The following PRKG1 variants were observed in gnomAD, a reference collection of about 807,000 sequenced individuals.
PRKG1 encodes cGMP-dependent protein kinase 1.
Under a neutral mutation model 88.1 loss-of-function variants are expected in PRKG1, and 35 were observed. That is an observed-to-expected ratio of 0.40 (90% CI 0.30 to 0.53). PRKG1 has a LOEUF of 0.53. Ranked by LOEUF, PRKG1 falls within the 20% of genes least tolerant of loss-of-function variation. The probability of loss-of-function intolerance (pLI) is 0.59; values close to 1 mark genes in which losing one functional copy is unlikely to be tolerated. For missense variants in PRKG1, 540 were observed against 839.8 expected (o/e 0.64, Z 4.41); for synonymous variants, 303 against 292.5 (o/e 1.04, Z -0.37).
At chr10:51,586,556 C>CTAA (rs1325976242) in intron 3 of PRKG1, among the ~76,000 whole-genome samples, 2 of 152,088 alleles carry the variant, frequency 1.3e-5, no homozygotes, top group African/African-American at 4.8e-5. Flanking sequence ...TTTATTAAAA[C>CTAA]TTTATTAAAA....
chr10:51,694,488 C>A (rs1382764311), intron 3 of PRKG1, among the ~76,000 whole-genome samples: 1 of 152,152 alleles, frequency 6.6e-6, no homozygotes, highest in African/African-American at 2.4e-5. Flanking sequence ...ATCAAATACT[C>A]CCAAATCCTA....
chr10:51,629,433 T>C (rs1291424830), intron 3 of PRKG1, among the ~76,000 whole-genome samples: 1 of 151,912 alleles, frequency 6.6e-6, no homozygotes, highest in Non-Finnish European at 1.5e-5. Flanking sequence ...GAGCTTGTTT[T>C]CCTGCAACTA....
intron 1 of PRKG1, among the ~76,000 whole-genome samples, chr10:51,131,346 A>G (rs1467367497): frequency 6.6e-6 from 1 of 152,230 alleles, no homozygotes; most frequent in Non-Finnish European, 1.5e-5. Flanking sequence ...TCAAAAATCT[A>G]ATTATCTCAT....
intron 6 of PRKG1, among the ~76,000 whole-genome samples, chr10:52,055,000 G>A (rs570354123): frequency 2.0e-5 from 3 of 152,142 alleles, no homozygotes; most frequent in Non-Finnish European, 4.4e-5. Context: ...GCTGGGCATG[G>A]TGGTGCATGC....
chr10:51,628,224 C>T (rs997494476), intron 3 of PRKG1, among the ~76,000 whole-genome samples: 5 of 149,578 alleles, frequency 3.3e-5, no homozygotes, highest in Non-Finnish European at 7.4e-5. Flanking sequence ...GACTGAAGTG[C>T]AGTGGCACAA....
At chr10:51,124,470 T>C (rs1767939601) in intron 1 of PRKG1, among the ~76,000 whole-genome samples, 1 of 152,066 alleles carries the variant, frequency 6.6e-6, no homozygotes, top group South Asian at 2.1e-4. Flanking sequence ...AATGAGGATT[T>C]AGGAAAGTTG....
chr10:51,260,233 C>T (rs1037792202), intron 2 of PRKG1, among the ~76,000 whole-genome samples: 11 of 152,034 alleles, frequency 7.2e-5, no homozygotes, highest in African/African-American at 7.3e-5. Flanking sequence ...AAAAATATTC[C>T]GTGGAATAGA....
chr10:52,202,116 G>A (rs1839688027), intron 9 of PRKG1, among the ~76,000 whole-genome samples: 1 of 152,000 alleles, frequency 6.6e-6, no homozygotes, highest in Non-Finnish European at 1.5e-5. Context: ...GTGAGAATTA[G>A]CATCTTTGTC....
intron 3 of PRKG1, among the ~76,000 whole-genome samples, chr10:51,608,813 G>A (rs1298041835): frequency 6.6e-6 from 1 of 152,116 alleles, no homozygotes; most frequent in Non-Finnish European, 1.5e-5. Flanking sequence ...ACTGCCGGGT[G>A]ACATCTTGAT....
intron 8 of PRKG1, among the ~76,000 whole-genome samples, chr10:52,135,984 A>G (rs2001283): frequency 0.78 from 117,948 of 151,896 alleles, 47,098 homozygotes; most frequent in East Asian, 0.95. Flanking sequence ...TAGAAAGCAG[A>G]GCGGTGTAGG....
chr10:51,030,742 A>G (rs1843271820), intron 1 of PRKG1, among the ~76,000 whole-genome samples: 1 of 152,028 alleles, frequency 6.6e-6, no homozygotes, highest in Non-Finnish European at 1.5e-5. Context: ...AAGAGCCTGA[A>G]AAACCCCCCT....
chr10:51,480,974 C>T (rs531865199), intron 3 of PRKG1, among the ~76,000 whole-genome samples: 3 of 152,006 alleles, frequency 2.0e-5, no homozygotes, highest in South Asian at 4.2e-4. Context: ...ATGGGTGTAT[C>T]TACAAATAAA....
At chr10:51,415,633 C>T (rs1056410867) in intron 2 of PRKG1, among the ~76,000 whole-genome samples, 7 of 152,056 alleles carry the variant, frequency 4.6e-5, no homozygotes, top group African/African-American at 1.7e-4. Flanking sequence ...ATCTAATAGC[C>T]AGTTCTTGAA....
chr10:51,900,023 G>A (rs1841946204), intron 4 of PRKG1, among the ~76,000 whole-genome samples: 1 of 151,990 alleles, frequency 6.6e-6, no homozygotes, highest in South Asian at 2.1e-4. Context: ...GTTTCCTGAG[G>A]CCTTCACTGA....
chr10:51,582,476 C>T (rs1401407293), intron 3 of PRKG1, among the ~76,000 whole-genome samples: 1 of 152,066 alleles, frequency 6.6e-6, no homozygotes, highest in Non-Finnish European at 1.5e-5. Context: ...GTTCTTCCCT[C>T]CACCCACCCT....
At chr10:52,219,160 G>A (rs10824256) in intron 9 of PRKG1, among the ~76,000 whole-genome samples, 23,978 of 151,766 alleles carry the variant, frequency 0.16, 3,130 homozygotes, top group African/African-American at 0.34. Context: ...AAACATTTAC[G>A]TACTAGGATG....
At chr10:52,021,148 CA>C (rs1845173910) in intron 5 of PRKG1, among the ~76,000 whole-genome samples, 1 of 152,180 alleles carries the variant, frequency 6.6e-6, no homozygotes, top group Admixed American at 6.5e-5. Context: ...GAATGATCTA[CA>C]AATTCTCAAC....
In PRKG1 at chr10:51,032,189, G is replaced by A. The variant is rs545203091; in HGVS notation, c.266+40545G>A. On this transcript the variant is annotated intron_variant, in intron 1 of 17. Transcript: ENST00000401604. ...AGACAACAGGCTGCCAGGATCATGT[G>A]TACCTGTTGTCTCCAATTCCTGCCT... Among the ~76,000 whole-genome samples the A allele has an allele frequency of 7.2e-5, 11 of 152,172 alleles. 1 individual carries two copies. The South Asian group carries it at 1.2e-3, about 17-fold the overall frequency.
At chr10:51,486,274 T>C (rs1840537683) in intron 3 of PRKG1, among the ~76,000 whole-genome samples, 4 of 151,968 alleles carry the variant, frequency 2.6e-5, no homozygotes, top group African/African-American at 7.3e-5. Context: ...ACAACTACCA[T>C]TCCACTCTCT....
Sources: gnomAD v4.1 joint callset for allele counts (sites outside exome capture counted in the v4.1 genomes callset) on GRCh38, gnomAD v4.1.1 for gene constraint, MANE v1.5 for transcripts, NCBI Gene and HGNC (gene_info 2026-07-23, HGNC 2026-07-21) for gene names.